Variants in SUN3 observed in about 807,000 individuals in gnomAD.
The protein encoded by SUN3 is SUN domain-containing protein 3.
A neutral mutation model predicts 48.2 loss-of-function variants in SUN3; 36 were observed. That is an observed-to-expected ratio of 0.75 (90% CI 0.57 to 0.99). SUN3 has a LOEUF of 0.99. Among genes scored for constraint, SUN3 ranks in the 50% least tolerant of loss-of-function variants. SUN3 has a pLI of 0.00. For synonymous variants in SUN3, 148 were observed against 147.9 expected (o/e 1.00, Z 0.00); for missense variants, 419 against 433.1 (o/e 0.97, Z 0.29).
chr7:48,018,882 C>T (rs778698476), intron 2 of SUN3, among the ~76,000 whole-genome samples: 6 of 152,062 alleles, frequency 3.9e-5, no homozygotes, highest in Non-Finnish European at 7.4e-5. Context: ...TTTATATCAG[C>T]TGTTCTACAT....
At chr7:48,035,855 G>A in the SUN3 span, among the ~76,000 whole-genome samples, 9 of 152,272 alleles carry the variant, frequency 5.9e-5, no homozygotes, top group South Asian at 2.1e-4. This position sits in a 1 kb window ranked among gnomAD's most constrained non-coding sequence, Gnocchi z 4.0. Context: ...TGTGTCCCTG[G>A]CGTGGACGTG....
At chr7:48,025,772 C>G (rs1790116809) in intron 2 of SUN3, 105 bp downstream of exon 2, 2 of 715,962 alleles carry the variant, frequency 2.8e-6, no homozygotes, top group Admixed American at 2.9e-5. Context: ...CCAGCACTTT[C>G]CGTGGCATTT....
rs369223693 is a variant in SUN3, at chr7:48,007,161, G to A, written c.492+4C>T. 168 of 1,586,280 alleles carry A rather than the reference G, an allele frequency of 1.1e-4. 1 individual carries two copies. In the Middle Eastern group the frequency reaches 1.2e-3, roughly 11 times the overall value. ...TGCCCAACCCGCCTAGCCTCATCCAGGACCTCTGTGTGGTCCGGGTCCTCC... is the reference window on the plus strand; with the variant it reads ...TGCCCAACCCGCCTAGCCTCATCCAAGACCTCTGTGTGGTCCGGGTCCTCC... On this transcript the variant is annotated splice_donor_region_variant and intron_variant, in intron 5 of 9. Coordinates refer to ENST00000297325, the MANE Select transcript of SUN3 (RefSeq NM_001030019.2).
intron 3 of SUN3, among the ~76,000 whole-genome samples, chr7:48,015,179 C>T (rs1789777934): frequency 6.6e-6 from 1 of 152,194 alleles, no homozygotes; most frequent in South Asian, 2.1e-4. Context: ...GCGTGCTCAT[C>T]TCTGCTTTTC....
intron 2 of SUN3, 104 bp downstream of exon 2, chr7:48,025,773 C>T (rs545041914): frequency 9.6e-5 from 69 of 719,442 alleles, no homozygotes; most frequent in South Asian, 9.4e-4. Flanking sequence ...CAGCACTTTC[C>T]GTGGCATTTA....
chr7:48,017,499 C>A, intron 2 of SUN3, 134 bp from the exon 3 acceptor site: 1 of 635,034 alleles, frequency 1.6e-6, no homozygotes, highest in Non-Finnish European at 2.7e-6. Context: ...TGGGTGACAT[C>A]ATGGAAAATG....
chr7:48,023,340 A>C (rs73337812), intron 2 of SUN3, among the ~76,000 whole-genome samples: 13,368 of 152,146 alleles, frequency 0.088, 1,961 homozygotes, highest in African/African-American at 0.3. Flanking sequence ...ATTAAAGTTA[A>C]TTTGGTATAA....
At chr7:48,004,812 A>G (rs2128775578) in intron 6 of SUN3, among the ~76,000 whole-genome samples, 1 of 152,364 alleles carries the variant, frequency 6.6e-6, no homozygotes, top group South Asian at 2.1e-4. Context: ...AACTCCCACA[A>G]GGCTCACATC....
At chr7:48,028,087 G>A (rs1019812998) in intron 1 of SUN3, among the ~76,000 whole-genome samples, 25 of 152,244 alleles carry the variant, frequency 1.6e-4, no homozygotes, top group African/African-American at 6.0e-4. Context: ...AGCATATTTT[G>A]TTATTACTGT....
At chr7:48,034,690 CA>C in the SUN3 span, among the ~76,000 whole-genome samples, 5 of 152,078 alleles carry the variant, frequency 3.3e-5, no homozygotes, top group African/African-American at 1.2e-4. Context: ...AAGCATATGC[CA>C]GATAGATAAT....
chr7:48,009,837 C>A (rs903901403), intron 3 of SUN3, among the ~76,000 whole-genome samples: 1 of 152,140 alleles, frequency 6.6e-6, no homozygotes, highest in South Asian at 2.1e-4. Flanking sequence ...TCTGCAGTAC[C>A]GGGCTACTGT....
chr7:48,017,379 G>T lies in SUN3; in HGVS notation c.185-14C>A, dbSNP rs368502169. 37 of 1,401,566 alleles carry T rather than the reference G, an allele frequency of 2.6e-5. No individual in the cohort carries two copies. The South Asian group carries it at 2.8e-4, about 11-fold the overall frequency. 86.8% of individuals were successfully genotyped at this position (1,401,566 alleles called of 1,614,324 possible). On this transcript the variant is annotated splice_polypyrimidine_tract_variant and intron_variant, in intron 2 of 9. Transcript: ENST00000297325. ...GATTTAGGAGTCCTGTTAAAGAAAA[G>T]ACAAACTTTGATTAAAGAGTTTCTC...
chr7:48,018,875 A>T (rs1054986736), intron 2 of SUN3, among the ~76,000 whole-genome samples: 1 of 152,206 alleles, frequency 6.6e-6, no homozygotes, highest in Admixed American at 6.5e-5. Context: ...CAAAAACTTT[A>T]TATCAGCTGT....
chr7:48,009,149 A>G (rs1789613891), intron 3 of SUN3, 74 bp from the exon 4 acceptor site: 2 of 1,459,506 alleles, frequency 1.4e-6, no homozygotes, highest in African/African-American at 2.8e-5. Flanking sequence ...TTTCTCAGAA[A>G]AGGGAAATAA....
chr7:48,001,531 G>GTTTTT (rs1166666161), intron 6 of SUN3, among the ~76,000 whole-genome samples: 2 of 110,516 alleles, frequency 1.8e-5, no homozygotes, highest in Admixed American at 9.8e-5. Context: ...TGTTTTTTTT[G>GTTTTT]TTTTTTTTTT....
intron 3 of SUN3, among the ~76,000 whole-genome samples, chr7:48,015,955 T>G (rs1789800206): frequency 6.6e-6 from 1 of 152,196 alleles, no homozygotes; most frequent in African/African-American, 2.4e-5. Context: ...TTTTTAGGAC[T>G]AACAAATTAG....
intron 8 of SUN3, chr7:47,991,080 A>G: frequency 2.2e-6 from 1 of 453,622 alleles, no homozygotes; most frequent in South Asian, 1.6e-5. Flanking sequence ...ACAAATAAAC[A>G]ACAAAACAAA....
chr7:48,021,707 A>G (rs2128782711), intron 2 of SUN3, among the ~76,000 whole-genome samples: 1 of 152,294 alleles, frequency 6.6e-6, no homozygotes, highest in East Asian at 1.9e-4. Context: ...ATGAAAATCA[A>G]CACTACAATG....
At chr7:48,015,080 A>G (rs1789774989) in intron 3 of SUN3, among the ~76,000 whole-genome samples, 1 of 152,230 alleles carries the variant, frequency 6.6e-6, no homozygotes, top group Non-Finnish European at 1.5e-5. Context: ...TCTGGGCGCC[A>G]TGGCCTAGCC....
Sources: gnomAD v4.1 joint callset for allele counts (sites outside exome capture counted in the v4.1 genomes callset) on GRCh38, gnomAD v4.1.1 for gene constraint, Gnocchi (gnomAD v3.1) non-coding constraint, MANE v1.5 for transcripts, NCBI Gene and HGNC (gene_info 2026-07-23, HGNC 2026-07-21) for gene names.